The following HIP1R variants were observed in gnomAD, a reference collection of about 807,000 sequenced individuals.
HIP1R encodes the protein huntingtin-interacting protein 1-related protein.
A neutral mutation model predicts 144.2 loss-of-function variants in HIP1R; 135 were observed. That is an observed-to-expected ratio of 0.94 (90% CI 0.81 to 1.08). The LOEUF (loss-of-function observed/expected upper bound fraction) is 1.08, where lower values mean the gene tolerates loss of function less well. Among genes scored for constraint, HIP1R ranks in the 50% least tolerant of loss-of-function variants. The probability of loss-of-function intolerance (pLI) is 0.00; values close to 1 mark genes in which losing one functional copy is unlikely to be tolerated. For synonymous variants in HIP1R, 698 were observed against 612.8 expected, an observed-to-expected ratio of 1.14 and a Z score of -2.05; for missense variants, 1,462 against 1,432.8, an observed-to-expected ratio of 1.02 and a Z score of -0.33.
In HIP1R at chr12:122,860,672, C is replaced by G. The variant is rs759884001; in HGVS notation, c.2661-7C>G. On this transcript the variant is annotated splice_region_variant and splice_polypyrimidine_tract_variant and intron_variant, in intron 27 of 31. Coordinates refer to ENST00000253083, the MANE Select transcript of HIP1R (RefSeq NM_003959.3). The stretch of plus-strand genomic sequence containing the variant: ...GACCCTGGCCCTGACTGGCCCTTGA[C>G]CCGCAGGGAGGCAGCTGACAAGGTG... The G allele has an allele frequency of 9.9e-6, 16 of 1,612,550 alleles. No homozygotes were observed. Among genetic ancestry groups the G allele is most frequent in the Middle Eastern group, 1.7e-4 (1 of 6,046 alleles).
rs1223076858 is a variant in HIP1R, at chr12:122,858,172, C to T, written c.1886C>T (p.Ala629Val). Residue 629 changes from alanine to valine, a missense_variant, in exon 19 of 32, where the codon GCC (alanine) becomes GTC (valine). This residue lies in a region of HIP1R where 1,112 missense variants were observed against 1,011.7 expected (regional missense o/e 1.10). Coordinates refer to ENST00000253083, the MANE Select transcript of HIP1R (RefSeq NM_003959.3). The part of the protein sequence containing the change: ...EQFAVLRGAA[A>V]EAAGILQDAV... ...TTCGCAGTGTTGCGGGGCGCTGCTG[C>T]CGAGGCCGCGGGCATCCTGCAGGAT... 1 of 1,607,364 alleles carries T rather than the reference C, an allele frequency of 6.2e-7. No homozygotes were observed. Among genetic ancestry groups the T allele is most frequent in the Admixed American group, 1.7e-5 (1 of 59,876 alleles).
chr12:122,855,153 G>A, intron 10 of HIP1R, 25 bp downstream of exon 10: 1 of 1,610,222 alleles, frequency 6.2e-7, no homozygotes, highest in Non-Finnish European at 8.5e-7. Flanking sequence ...AGGGCCCCGA[G>A]GCCCTTTGAG....
At chr12:122,834,875 T>C (rs1377307895), upstream of HIP1R, 1 of 989,864 alleles carries the variant, frequency 1.0e-6, no homozygotes, top group Non-Finnish European at 1.4e-6. Context: ...AGAGTGTCAT[T>C]GTGTGCCTTT....
chr12:122,835,409 G>GGGCGGGGCGA (rs1447153019), upstream of HIP1R: 16 of 1,133,928 alleles, frequency 1.4e-5, no homozygotes, highest in African/African-American at 1.7e-5. Context: ...CTGGAGTTGG[G>GGGCGGGGCGA]GGCGGGGCGA....
intron 1 of HIP1R, among the ~76,000 whole-genome samples, chr12:122,844,300 G>A (rs965216679): frequency 6.6e-6 from 1 of 152,090 alleles, no homozygotes; most frequent in Non-Finnish European, 1.5e-5. Flanking sequence ...ACCCGGCTAA[G>A]TTTTAAATTA....
At position 122,856,544 on chromosome 12, in the gene HIP1R, T is replaced by TGA; in HGVS notation, c.1515_1516dup (p.Lys506ArgfsTer3). 6.2e-7 allele frequency: 1 copy of TGA among 1,600,758 alleles called. No individual in the cohort carries two copies. Among genetic ancestry groups the TGA allele is most frequent in the Non-Finnish European group, 8.5e-7 (1 of 1,173,600 alleles). On this transcript the variant is annotated frameshift_variant, in exon 16 of 32. Coordinates refer to ENST00000253083, the MANE Select transcript of HIP1R (RefSeq NM_003959.3). LOFTEE classifies it high-confidence loss of function. ...GAGCAGGTGAAGCGGGAGTCGGAGT[T>TGA]GAAGGTATGTCCCTTGTGGCACAGG...
At chr12:122,860,253 G>A (rs1192191281) in intron 26 of HIP1R, 43 bp downstream of exon 26, 2 of 1,535,720 alleles carry the variant, frequency 1.3e-6, no homozygotes, top group East Asian at 2.4e-5. Flanking sequence ...CAAGGAGCCT[G>A]ACCCCCAGCC....
rs1470861357 is a variant in HIP1R at position 122,862,658 on chromosome 12, T to C, written c.*905T>C. ...CAGGGAGGGGACCCTGCGGCTAGAG[T>C]GGGCTAGGCCCTGGCTTTGCCCGTC... On this transcript the variant is annotated 3_prime_UTR_variant, in exon 32 of 32. Transcript: ENST00000253083. The C allele has an allele frequency of 2.0e-5, 3 of 151,546 alleles. No homozygotes were observed. The highest frequency in any genetic ancestry group is 4.9e-5 in the African/African-American group (2 of 41,154). The allele number at this position is 151,546 out of a possible 1,614,324, so 9.4% of individuals were successfully genotyped here.
intron 1 of HIP1R, among the ~76,000 whole-genome samples, chr12:122,844,789 G>T (rs2033161751): frequency 6.6e-6 from 1 of 152,194 alleles, no homozygotes; most frequent in Non-Finnish European, 1.5e-5. Context: ...ACTCCTCAAA[G>T]GCTGCGCTGC....
rs766795987 is a variant in HIP1R at position 122,855,315 on chromosome 12, G to A, written c.903G>A (p.Pro301=). 1.9e-5 allele frequency: 30 copies of A among 1,612,452 alleles called. No homozygotes were observed. Among genetic ancestry groups the A allele is most frequent in the Middle Eastern group, 1.7e-4 (1 of 6,004 alleles). ...RASALAEHIK[P]VVVIPEEAPE... Reference sequence around the variant, plus strand: ...CAGCCCTGGCTGAGCACATCAAGCCGGTGGTGGTGATCCCCGAGGAGGCCC... The same window carrying A: ...CAGCCCTGGCTGAGCACATCAAGCCAGTGGTGGTGATCCCCGAGGAGGCCC... The change falls in exon 11 of 32, where the codon CCG becomes CCA. Residue 301 remains proline, a synonymous_variant. Coordinates refer to ENST00000253083, the MANE Select transcript of HIP1R (RefSeq NM_003959.3).
upstream of HIP1R, chr12:122,835,330 G>A (rs1593853209): frequency 1.1e-6 from 1 of 895,182 alleles, no homozygotes; most frequent in Non-Finnish European, 1.4e-6. Flanking sequence ...GCGCCCTGGA[G>A]TTGGGGGCGG....
At chr12:122,850,175 T>C (rs1593871639) in intron 5 of HIP1R, 5 of 669,056 alleles carry the variant, frequency 7.5e-6, no homozygotes, top group African/African-American at 3.5e-5. Flanking sequence ...GGGCACGGGC[T>C]TCCCCAGGCG....
chr12:122,846,894 C>A (rs1351853776), intron 1 of HIP1R, among the ~76,000 whole-genome samples: 1 of 152,224 alleles, frequency 6.6e-6, no homozygotes, highest in African/African-American at 2.4e-5. Context: ...ATTGGATGTC[C>A]TCTGCTCCGG....
chr12:122,860,313 C>G, intron 26 of HIP1R, 103 bp downstream of exon 26: 1 of 1,544,214 alleles, frequency 6.5e-7, no homozygotes, highest in Non-Finnish European at 8.9e-7. Context: ...AGGGAGGCCT[C>G]AGGGATGCGC....
intron 2 of HIP1R, among the ~76,000 whole-genome samples, 153 bp downstream of exon 2, chr12:122,848,247 TCA>T (rs2033267511): frequency 6.6e-6 from 1 of 152,160 alleles, no homozygotes; most frequent in African/African-American, 2.4e-5. Flanking sequence ...CCTTCCCATC[TCA>T]GTCTCATCAC....
At chr12:122,859,017 C>A in intron 21 of HIP1R, 44 bp from the exon 22 acceptor site, 1 of 1,330,934 alleles carries the variant, frequency 7.5e-7, no homozygotes, top group Non-Finnish European at 1.0e-6. Flanking sequence ...CTTATGGAGC[C>A]TGTCGGTGGG....
rs763374019 is a variant in HIP1R at position 122,855,630 on chromosome 12, C to T, written c.1055+18C>T. 24 of 1,549,610 alleles carry T rather than the reference C, an allele frequency of 1.5e-5. No homozygotes were observed. The highest frequency in any genetic ancestry group is 3.6e-5 in the South Asian group (3 of 83,992). ...GACGACAGGTGAGGGCTGGAGGAGCCGACTGGGCTGGGGGTGGTTGGAAAC... is the reference window on the plus strand; with the variant it reads ...GACGACAGGTGAGGGCTGGAGGAGCTGACTGGGCTGGGGGTGGTTGGAAAC... On this transcript the variant is annotated intron_variant, in intron 12 of 31. Transcript: ENST00000253083.
chr12:122,850,073 T>A, intron 5 of HIP1R, 118 bp downstream of exon 5: 1 of 750,014 alleles, frequency 1.3e-6, no homozygotes, highest in Admixed American at 2.0e-5. Context: ...GTCTTTCCAT[T>A]CACCTTCTTG....
intron 27 of HIP1R, 43 bp downstream of exon 27, chr12:122,860,566 C>T (rs1450387526): frequency 6.3e-7 from 1 of 1,584,200 alleles, no homozygotes; most frequent in Non-Finnish European, 8.7e-7. Context: ...CTGCTTCCTG[C>T]CAGTTGGAGC....
Sources: gnomAD v4.1 joint callset for allele counts (sites outside exome capture counted in the v4.1 genomes callset) on GRCh38, gnomAD v4.1.1 for gene constraint, gnomAD v4.1.1 regional missense constraint, MANE v1.5 for transcripts, NCBI Gene and HGNC (gene_info 2026-07-23, HGNC 2026-07-21) for gene names.